The following LRRC4B variants were observed in gnomAD, a reference collection of about 807,000 sequenced individuals.
The protein encoded by LRRC4B is leucine rich repeat containing 4B.
In LRRC4B, 1 loss-of-function variant was observed where a neutral mutation model predicts 7.3. That is an observed-to-expected ratio of 0.14 (90% CI 0.05 to 0.65). The LOEUF (loss-of-function observed/expected upper bound fraction) is 0.65, where lower values mean the gene tolerates loss of function less well. Among genes scored for constraint, LRRC4B ranks in the 30% least tolerant of loss-of-function variants. LRRC4B has a pLI of 0.84. For synonymous variants in LRRC4B, 500 were observed against 499.2 expected, an observed-to-expected ratio of 1.00 and a Z score of -0.02; for missense variants, 730 against 1,041.6, an observed-to-expected ratio of 0.70 and a Z score of 4.12.
chr19:50,567,194 C>A (rs1386805586), intron 1 of LRRC4B, among the ~76,000 whole-genome samples: 2 of 151,120 alleles, frequency 1.3e-5, no homozygotes, highest in African/African-American at 4.9e-5. Context: ...GTGGGAGAGG[C>A]AGTGGTCCTG....
At chr19:50,559,999 G>A (rs1158131501) in intron 1 of LRRC4B, among the ~76,000 whole-genome samples, 2 of 152,202 alleles carry the variant, frequency 1.3e-5, no homozygotes, top group African/African-American at 4.8e-5. Flanking sequence ...GCTGGGCGTG[G>A]AGGCACCTGC....
At chr19:50,550,692 G>C (rs1982016700) in intron 1 of LRRC4B, among the ~76,000 whole-genome samples, 1 of 152,196 alleles carries the variant, frequency 6.6e-6, no homozygotes, top group Non-Finnish European at 1.5e-5. Flanking sequence ...AGAGGGCAGG[G>C]GAAAGAGGGA....
At chr19:50,530,930 G>GT (rs375881113) in intron 2 of LRRC4B, among the ~76,000 whole-genome samples, 8 of 70,290 alleles carry the variant, frequency 1.1e-4, no homozygotes, top group East Asian at 2.9e-4. Flanking sequence ...TAGAAACCTG[G>GT]GGGGGGGGGG....
In LRRC4B at chr19:50,567,955, G is replaced by A. The variant is rs1982693406; in HGVS notation, c.-47C>T. 6.7e-6 allele frequency: 1 copy of A among 148,560 alleles called. No individual in the cohort carries two copies. 9.2% of individuals were successfully genotyped at this position (148,560 alleles called of 1,614,324 possible). Reference sequence around the variant, plus strand: ...TGGCGGCTACTCACAGCGAGGAGAGGGGTTCCTTCCGGGGGGCAGCATGCC... The same window carrying A: ...TGGCGGCTACTCACAGCGAGGAGAGAGGTTCCTTCCGGGGGGCAGCATGCC... On this transcript the variant is annotated 5_prime_UTR_variant, in exon 1 of 3. Transcript: ENST00000652263.
chr19:50,518,659 C>T lies in LRRC4B; in HGVS notation c.1054G>A (p.Gly352Arg). 2.5e-6 allele frequency: 4 copies of T among 1,613,516 alleles called. No individual in the cohort carries two copies. Among genetic ancestry groups the T allele is most frequent in the Non-Finnish European group, 3.4e-6 (4 of 1,179,744 alleles). Residue 352 changes from glycine (G) to arginine (R), a missense_variant, in exon 3 of 3, where the codon GGG becomes AGG. Gly to Arg is a moderately radical substitution (Grantham distance 125). Coordinates refer to ENST00000652263, the MANE Select transcript of LRRC4B (RefSeq NM_001080457.2). ...APAGLKGRYI[G>R]ELDQSHFTCY... ...GTGAAATGCGACTGGTCCAGCTCCC[C>T]AATGTAGCGCCCCTTGAGGCCGGCG...
At position 50,517,693 on chromosome 19, in the gene LRRC4B, A is replaced by G. The variant is rs1378513969; in HGVS notation, c.2020T>C (p.Tyr674His). 1 of 1,551,702 alleles carries G rather than the reference A, an allele frequency of 6.4e-7. No individual in the cohort carries two copies. Among genetic ancestry groups the G allele is most frequent in the Admixed American group, 2.0e-5 (1 of 49,322 alleles). Reference sequence around the variant, plus strand: ...CCCCCGCCGCTGGGGTTGCTGCTGTAGTGCGCCTTGAAGGCGGCAGCCACG... The same window carrying G: ...CCCCCGCCGCTGGGGTTGCTGCTGTGGTGCGCCTTGAAGGCGGCAGCCACG... ...HYVAAAFKAH[Y>H]SSNPSGGGCG... Residue 674 changes from tyrosine to histidine, a missense_variant, in exon 3 of 3, where the codon TAC becomes CAC. Physicochemically the swap from Tyr to His is moderately conservative, Grantham distance 83 (BLOSUM62 2). This residue lies in a region of LRRC4B where 160 missense variants were observed against 163.9 expected (regional missense o/e 0.98). Transcript: ENST00000652263. This position sits in a 1 kb window ranked among gnomAD's most constrained non-coding sequence, Gnocchi z 6.6.
intron 1 of LRRC4B, among the ~76,000 whole-genome samples, chr19:50,559,029 T>C (rs906499705): frequency 9.2e-5 from 14 of 152,216 alleles, no homozygotes; most frequent in African/African-American, 3.4e-4. Context: ...GAGCTGCTGC[T>C]GCCCATTTTA....
rs772698691 is a variant in LRRC4B at position 50,519,395 on chromosome 19, G to C, written c.318C>G (p.Phe106Leu). The change falls in exon 3 of 3, where the codon TTC becomes TTG. Residue 106 changes from phenylalanine (F) to leucine (L), a missense_variant. By Grantham distance (22) the Phe-to-Leu change is conservative (BLOSUM62 0). Transcript: ENST00000652263. The surrounding 1 kb of genome is among the most constrained non-coding windows in gnomAD (Gnocchi z 8.1). ...NGIQVIRTDT[F>L]KHLRHLEILQ... Reference sequence around the variant, plus strand: ...GAATCTCCAGGTGCCGCAGGTGCTTGAACGTGTCCGTCCGGATCACCTGGG... The same window carrying C: ...GAATCTCCAGGTGCCGCAGGTGCTTCAACGTGTCCGTCCGGATCACCTGGG... 6.2e-7 allele frequency: 1 copy of C among 1,602,542 alleles called. No individual in the cohort carries two copies. The highest frequency in any genetic ancestry group is 8.5e-7 in the Non-Finnish European group (1 of 1,177,640).
intron 1 of LRRC4B, among the ~76,000 whole-genome samples, chr19:50,551,908 G>A (rs1320378177): frequency 4.7e-5 from 7 of 148,976 alleles, no homozygotes; most frequent in Non-Finnish European, 1.0e-4. Flanking sequence ...CGGGGAGGGC[G>A]CCTCTCCTCC....
chr19:50,561,593 G>T (rs1352925267), intron 1 of LRRC4B, among the ~76,000 whole-genome samples: 1 of 151,942 alleles, frequency 6.6e-6, no homozygotes, highest in East Asian at 1.9e-4. Flanking sequence ...AAATTAGCTG[G>T]GTGTGGTGGT....
At position 50,535,158 on chromosome 19, in the gene LRRC4B, A is replaced by G. The variant is rs562235091; in HGVS notation, c.297+13384T>C. On this transcript the variant is annotated intron_variant, in intron 2 of 2. Coordinates refer to ENST00000652263, the MANE Select transcript of LRRC4B (RefSeq NM_001080457.2). ...GCTGGGATTACAGGCGTGACCCACC[A>G]CGCCCGGCCTGTTTATTTATTTATT... Among the ~76,000 whole-genome samples, 237 of 150,278 alleles carry G rather than the reference A, an allele frequency of 1.6e-3. 1 individual carries two copies. Among genetic ancestry groups the G allele is most frequent in the East Asian group, 3.6e-3 (18 of 5,032 alleles).
chr19:50,533,471 T>G (rs148388664), intron 2 of LRRC4B, among the ~76,000 whole-genome samples: 6 of 144,442 alleles, frequency 4.2e-5, no homozygotes, highest in African/African-American at 1.4e-4. Context: ...ATAATACAAA[T>G]ACCAAAGACC....
At chr19:50,532,095 G>C (rs1235042479) in intron 2 of LRRC4B, among the ~76,000 whole-genome samples, 2 of 152,072 alleles carry the variant, frequency 1.3e-5, no homozygotes, top group Admixed American at 1.3e-4. Flanking sequence ...ATTTACCCTG[G>C]CGTGGTGGCA....
rs146128824 is a variant in LRRC4B, at chr19:50,548,185, G to C, written c.297+357C>G. Among the ~76,000 whole-genome samples the C allele has an allele frequency of 6.6e-6, 1 of 152,170 alleles. No homozygotes were observed. Among genetic ancestry groups the C allele is most frequent in the Non-Finnish European group, 1.5e-5 (1 of 68,018 alleles). On this transcript the variant is annotated intron_variant, in intron 2 of 2. Transcript: ENST00000652263. This position sits in a 1 kb window ranked among gnomAD's most constrained non-coding sequence, Gnocchi z 6.8. ...CCCAAGGCCACGAGAGGGTGTGGTGGTGCAGATGCCACAGGGGTCCCTGTG... is the reference window on the plus strand; with the variant it reads ...CCCAAGGCCACGAGAGGGTGTGGTGCTGCAGATGCCACAGGGGTCCCTGTG...
At chr19:50,526,320 C>A (rs551637706) in intron 2 of LRRC4B, among the ~76,000 whole-genome samples, 1 of 152,158 alleles carries the variant, frequency 6.6e-6, no homozygotes, top group Admixed American at 6.5e-5. Context: ...TTGCACCTTT[C>A]CTGCTTTTTT....
At chr19:50,528,965 G>T (rs1599764566) in intron 2 of LRRC4B, among the ~76,000 whole-genome samples, 1 of 152,158 alleles carries the variant, frequency 6.6e-6, no homozygotes, top group Admixed American at 6.5e-5. Context: ...TGAGGCTGGG[G>T]GCTGTGGGCA....
At position 50,548,607 on chromosome 19, in the gene LRRC4B, C is replaced by G; in HGVS notation, c.232G>C (p.Ala78Pro). The change falls in exon 2 of 3, where the codon GCC becomes CCC. Residue 78 changes from alanine (A) to proline (P), a missense_variant. Physicochemically the swap from Ala to Pro is conservative, Grantham distance 27. Coordinates refer to ENST00000652263, the MANE Select transcript of LRRC4B (RefSeq NM_001080457.2). The surrounding 1 kb of genome is among the most constrained non-coding windows in gnomAD (Gnocchi z 6.8). ...SRVICTRRDL[A>P]EVPASIPVNT... The stretch of plus-strand genomic sequence containing the variant: ...ACCGGGATGCTGGCTGGGACCTCGG[C>G]CAGGTCTCTCCGTGTGCAGATCACC... The G allele has an allele frequency of 6.2e-7, 1 of 1,600,588 alleles. No homozygotes were observed.
intron 2 of LRRC4B, among the ~76,000 whole-genome samples, chr19:50,526,930 T>C (rs934835608): frequency 6.6e-6 from 1 of 151,386 alleles, no homozygotes; most frequent in Non-Finnish European, 1.5e-5. Context: ...CTTGGCTTAC[T>C]ACAACCTCTG....
At chr19:50,531,509 A>G (rs1981059964) in intron 2 of LRRC4B, among the ~76,000 whole-genome samples, 1 of 152,238 alleles carries the variant, frequency 6.6e-6, no homozygotes, top group South Asian at 2.1e-4. Flanking sequence ...CCCCCCGCCA[A>G]TCACTTTAAT....
Sources: gnomAD v4.1 joint callset for allele counts (sites outside exome capture counted in the v4.1 genomes callset) on GRCh38, gnomAD v4.1.1 for gene constraint, gnomAD v4.1.1 regional missense constraint, Gnocchi (gnomAD v3.1) non-coding constraint, MANE v1.5 for transcripts, NCBI Gene and HGNC (gene_info 2026-07-23, HGNC 2026-07-21) for gene names.